The following PDE10A variants were observed in gnomAD, a reference collection of about 807,000 sequenced individuals.
PDE10A encodes cAMP and cAMP-inhibited cGMP 3',5'-cyclic phosphodiesterase 10A.
In PDE10A, 39 loss-of-function variants were observed where a neutral mutation model predicts 97.7. The observed-to-expected ratio is 0.40, with a 90% CI of 0.31 to 0.52. The LOEUF (loss-of-function observed/expected upper bound fraction) is 0.52. Ranked by LOEUF, PDE10A falls within the 20% of genes least tolerant of loss-of-function variation. The pLI is 0.56. For missense variants in PDE10A, 731 were observed against 1,047.8 expected, an observed-to-expected ratio of 0.70 and a Z score of 4.17; for synonymous variants, 371 against 376.8, an observed-to-expected ratio of 0.98 and a Z score of 0.18.
chr6:165,409,205 A>T (rs1048765069), intron 13 of PDE10A, among the ~76,000 whole-genome samples: 8 of 151,596 alleles, frequency 5.3e-5, no homozygotes, highest in Non-Finnish European at 1.2e-4. Flanking sequence ...TAAATTCCAC[A>T]GAGAGCTTGC....
At chr6:165,534,113 T>C (rs750414491) in intron 2 of PDE10A, among the ~76,000 whole-genome samples, 4 of 151,964 alleles carry the variant, frequency 2.6e-5, no homozygotes, top group Non-Finnish European at 1.5e-5. Context: ...GGAGACATTT[T>C]AACAGATACC....
chr6:165,446,024 A>C (rs183586241), intron 5 of PDE10A, among the ~76,000 whole-genome samples: 3 of 152,320 alleles, frequency 2.0e-5, no homozygotes, highest in Admixed American at 2.0e-4. Flanking sequence ...AAAGGAACAT[A>C]GAAGAAGTAT....
chr6:165,518,514 ACGGGATCAACCGTC>A (rs1407011604), intron 2 of PDE10A, among the ~76,000 whole-genome samples: 3 of 152,124 alleles, frequency 2.0e-5, no homozygotes, highest in Non-Finnish European at 4.4e-5. Context: ...TGTCTGGCTT[ACGGGATCAACCGTC>A]CTGGTATCCC....
rs865998956 is a variant in PDE10A, at chr6:165,714,651, G to A, written c.-614-171083C>T. Among the ~76,000 whole-genome samples the A allele has an allele frequency of 6.6e-5, 10 of 152,206 alleles. No individual in the cohort carries two copies. The South Asian group carries it at 2.1e-3, about 31-fold the overall frequency. On this transcript the variant is annotated intron_variant, in intron 1 of 19. Transcript: ENST00000366882. ...GTGTCCCAGGGTTAGAGCCTGGAGG[G>A]TGCCAAGGAGTGAGTTTCAGTCAGG... is the stretch of plus-strand genomic sequence containing the variant.
At chr6:165,350,054 T>C (rs544137899) in intron 18 of PDE10A, among the ~76,000 whole-genome samples, 214 of 152,298 alleles carry the variant, frequency 1.4e-3, no homozygotes, top group Admixed American at 1.8e-3. Flanking sequence ...AGAGTTCCCA[T>C]TGGGGCAGTG....
intron 1 of PDE10A, among the ~76,000 whole-genome samples, chr6:165,632,032 C>T (rs746912476): frequency 6.6e-6 from 1 of 151,506 alleles, no homozygotes; most frequent in Non-Finnish European, 1.5e-5. Context: ...GAAACTCTGC[C>T]TTTACTAAAT....
chr6:165,707,673 A>G (rs549310560), intron 1 of PDE10A, among the ~76,000 whole-genome samples: 5 of 151,582 alleles, frequency 3.3e-5, no homozygotes, highest in African/African-American at 9.7e-5. Flanking sequence ...GTGTGTGTGT[A>G]AGCGTATGTG....
At chr6:165,587,100 G>A (rs1785957849) in intron 1 of PDE10A, among the ~76,000 whole-genome samples, 2 of 152,174 alleles carry the variant, frequency 1.3e-5, no homozygotes, top group Admixed American at 1.3e-4. Context: ...TGGAAAAGGA[G>A]AGAGTAGAAT....
At chr6:165,403,538 A>G (rs1391907640) in intron 13 of PDE10A, among the ~76,000 whole-genome samples, 2 of 152,210 alleles carry the variant, frequency 1.3e-5, no homozygotes, top group African/African-American at 4.8e-5. Flanking sequence ...TTGAGATATA[A>G]TAATTGTTCT....
intron 1 of PDE10A, among the ~76,000 whole-genome samples, chr6:165,675,061 G>A (rs1320680412): frequency 6.6e-6 from 1 of 152,222 alleles, no homozygotes; most frequent in Non-Finnish European, 1.5e-5. Flanking sequence ...AGTCATCTTA[G>A]TGATGAGAAG....
intron 1 of PDE10A, among the ~76,000 whole-genome samples, chr6:165,936,594 C>A (rs1216588238): frequency 1.3e-5 from 2 of 152,066 alleles, no homozygotes; most frequent in Non-Finnish European, 2.9e-5. Flanking sequence ...AGCTGCCAGG[C>A]AGGGTGGTGG....
intron 3 of PDE10A, among the ~76,000 whole-genome samples, chr6:165,452,810 G>A (rs1777710117): frequency 6.6e-6 from 1 of 151,726 alleles, no homozygotes; most frequent in African/African-American, 2.4e-5. Flanking sequence ...ACTGGGAAAT[G>A]AGTAGAGGAC....
At chr6:165,657,500 T>C (rs539999054) in intron 1 of PDE10A, among the ~76,000 whole-genome samples, 9 of 152,394 alleles carry the variant, frequency 5.9e-5, no homozygotes, top group Admixed American at 1.3e-4. Flanking sequence ...TAACAATGTA[T>C]TCGTTGGTGA....
intron 1 of PDE10A, among the ~76,000 whole-genome samples, chr6:165,815,093 G>A (rs946125199): frequency 8.5e-5 from 13 of 152,176 alleles, no homozygotes; most frequent in African/African-American, 2.2e-4. Context: ...CAGGATCAAC[G>A]TTACTTGCAG....
intron 1 of PDE10A, among the ~76,000 whole-genome samples, chr6:165,939,043 T>C (rs1783429043): frequency 6.6e-6 from 1 of 152,228 alleles, no homozygotes; most frequent in Non-Finnish European, 1.5e-5. Flanking sequence ...CACCACAGAA[T>C]ATTATGCAGC....
Position 165,482,006 on chromosome 6 carries a change from C to T in PDE10A, c.1023+309G>A, listed in dbSNP as rs538825922. On this transcript the variant is annotated intron_variant, in intron 3 of 21. Coordinates refer to ENST00000539869, the MANE Select transcript of PDE10A (RefSeq NM_001385079.1). ...GTGAGAGTTATCTTACCTTCTGGTTCAAGGGAAGCCAGAAATCCAATCTTT... is the reference window on the plus strand; with the variant it reads ...GTGAGAGTTATCTTACCTTCTGGTTTAAGGGAAGCCAGAAATCCAATCTTT... Among the ~76,000 whole-genome samples, 3 of 152,300 alleles carry T rather than the reference C, an allele frequency of 2.0e-5. No individual in the cohort carries two copies. In the East Asian group the frequency reaches 5.8e-4, roughly 29 times the overall value.
At chr6:165,528,723 G>C (rs1242725221) in intron 2 of PDE10A, among the ~76,000 whole-genome samples, 2 of 152,212 alleles carry the variant, frequency 1.3e-5, no homozygotes, top group African/African-American at 4.8e-5. Context: ...CTAAAGTAGT[G>C]CAGCAGTGGG....
At chr6:165,934,819 C>G (rs7749185) in intron 1 of PDE10A, among the ~76,000 whole-genome samples, 51,368 of 151,996 alleles carry the variant, frequency 0.34, 9,311 homozygotes, top group African/African-American at 0.42. Flanking sequence ...CTTTTAGATA[C>G]AAATGTAAGT....
chr6:165,974,419 TG>T (rs1654487893), intron 1 of PDE10A, among the ~76,000 whole-genome samples: 1 of 152,200 alleles, frequency 6.6e-6, no homozygotes, highest in African/African-American at 2.4e-5. Context: ...CCTGGAGTTC[TG>T]GAGGAAAGAA....
Sources: allele counts gnomAD v4.1 joint callset (sites outside exome capture counted in the v4.1 genomes callset), GRCh38; gene constraint gnomAD v4.1.1; transcripts MANE v1.5; gene names NCBI Gene and HGNC (gene_info 2026-07-23, HGNC 2026-07-21).